Variants in ARL17B observed in about 807,000 individuals in gnomAD.
ARL17B encodes the protein ARF like GTPase 17B.
rs1470926632 is a variant in ARL17B, at chr17:46,293,975, C to T, written c.*21+5551G>A. The T allele has an allele frequency of 4.1e-5, 5 of 121,018 alleles. 2 individuals carry two copies. The highest frequency in any genetic ancestry group is 1.4e-4 in the African/African-American group (5 of 36,474). 7.5% of individuals were successfully genotyped at this position (121,018 alleles called of 1,614,324 possible). On this transcript the variant is annotated intron_variant, in intron 4 of 4. Transcript: ENST00000570618. ...GATCTCGGCTCACTGCAACCTCTGC[C>T]TCCCAGGTTCAAGTGATTCTCCTGC... is the stretch of plus-strand genomic sequence containing the variant.
At chr17:46,276,790 C>CTTTTTTTTTTTTTTT (rs75549659) in intron 4 of ARL17B, among the ~76,000 whole-genome samples, 41 of 134,262 alleles carry the variant, frequency 3.1e-4, no homozygotes, top group Non-Finnish European at 4.2e-4. Flanking sequence ...TTCTTTTTTT[C>CTTTTTTTTTTTTTTT]TTTTTTTTTT....
At chr17:46,359,450 AGCT>A in intron 1 of ARL17B, among the ~76,000 whole-genome samples, 1 of 28,050 alleles carries the variant, frequency 3.6e-5, no homozygotes, top group East Asian at 4.6e-4. Flanking sequence ...CCTCTGGAGC[AGCT>A]GCGACCACAG....
intron 3 of ARL17B, among the ~76,000 whole-genome samples, chr17:46,315,548 C>A (rs1471447595): frequency 1.6e-5 from 1 of 63,488 alleles, no homozygotes; most frequent in Non-Finnish European, 3.5e-5. Flanking sequence ...AGTAAGAAAA[C>A]AAAATGTTTG....
chr17:46,340,272 A>G (rs1179338732), intron 3 of ARL17B, among the ~76,000 whole-genome samples: 1 of 74,668 alleles, frequency 1.3e-5, no homozygotes, highest in East Asian at 2.4e-4. Flanking sequence ...CTGGAATGCA[A>G]TGGCACGATC....
intron 4 of ARL17B, among the ~76,000 whole-genome samples, chr17:46,292,037 G>C (rs1379013446): frequency 3.0e-5 from 4 of 135,232 alleles, no homozygotes; most frequent in Non-Finnish European, 4.8e-5. Flanking sequence ...TGAAATTATA[G>C]AGCAATTTGA....
intron 4 of ARL17B, among the ~76,000 whole-genome samples, chr17:46,281,462 T>A (rs1278296544): frequency 6.6e-6 from 1 of 152,028 alleles, no homozygotes; most frequent in African/African-American, 2.4e-5. Context: ...TAATCACAGC[T>A]CACTGCAGCC....
rs537521314 is a variant in ARL17B at position 46,336,179 on chromosome 17, T to G, written c.*3321A>C. Reference sequence around the variant, plus strand: ...CTCTTAAGTGGCAGGAAACAGTATTTTCTCTTTTATTTCTTTTTTTTTCCC... The same window carrying G: ...CTCTTAAGTGGCAGGAAACAGTATTGTCTCTTTTATTTCTTTTTTTTTCCC... On this transcript the variant is annotated 3_prime_UTR_variant, in exon 4 of 4. Transcript: ENST00000450673. Among the ~76,000 whole-genome samples, 29 of 29,988 alleles carry G rather than the reference T, an allele frequency of 9.7e-4. 9 individuals are homozygous for G. Among genetic ancestry groups the G allele is most frequent in the African/African-American group, 1.2e-3 (25 of 20,604 alleles). The allele number at this position is 29,988 out of a possible 152,430, so 19.7% of individuals were successfully genotyped here.
At chr17:46,323,345 A>G (rs1490463770) in intron 3 of ARL17B, among the ~76,000 whole-genome samples, 7 of 87,036 alleles carry the variant, frequency 8.0e-5, no homozygotes, top group African/African-American at 2.5e-4. Flanking sequence ...TGTCTTATAA[A>G]TGAAATCATA....
chr17:46,291,621 AT>A (rs1428823382), intron 4 of ARL17B, among the ~76,000 whole-genome samples: 1 of 152,126 alleles, frequency 6.6e-6, no homozygotes, highest in Non-Finnish European at 1.5e-5. Context: ...AATGTGTAAT[AT>A]GAAAAAAAGA....
At chr17:46,276,051 C>T (rs560592289) in intron 4 of ARL17B, among the ~76,000 whole-genome samples, 7 of 152,166 alleles carry the variant, frequency 4.6e-5, no homozygotes, top group East Asian at 1.9e-4. Flanking sequence ...CCACCACACC[C>T]GGCTAATTTT....
At chr17:46,277,806 C>T (rs190552145) in intron 4 of ARL17B, among the ~76,000 whole-genome samples, 48 of 152,166 alleles carry the variant, frequency 3.2e-4, no homozygotes, top group African/African-American at 1.1e-3. Flanking sequence ...ACCCTTACGC[C>T]TAGCTAATTT....
Position 46,317,136 on chromosome 17 carries a change from C to A in ARL17B, c.260-17471G>T, listed in dbSNP as rs1451563562. Among the ~76,000 whole-genome samples, 3 of 89,436 alleles carry A rather than the reference C, an allele frequency of 3.4e-5. 1 individual carries two copies. Among genetic ancestry groups the A allele is most frequent in the Non-Finnish European group, 6.6e-5 (2 of 30,402 alleles). The allele number at this position is 89,436 out of a possible 152,430, so 58.7% of individuals were successfully genotyped here. A position where few individuals can be genotyped will look rare whatever the true frequency, so the allele number is the denominator to read the frequency against. On this transcript the variant is annotated intron_variant, in intron 3 of 4. Transcript: ENST00000434041. Reference sequence around the variant, plus strand: ...TCAATGAGCTGTTGGGTACACCTCCCAGATGGGGTGGCGGCCGGGCAGAGG... The same window carrying A: ...TCAATGAGCTGTTGGGTACACCTCCAAGATGGGGTGGCGGCCGGGCAGAGG...
intron 4 of ARL17B, among the ~76,000 whole-genome samples, chr17:46,287,216 A>G (rs1453304460): frequency 2.0e-5 from 3 of 152,246 alleles, no homozygotes; most frequent in African/African-American, 4.8e-5. Context: ...GGTCTTTAAA[A>G]ACATACTGGA....
intron 4 of ARL17B, among the ~76,000 whole-genome samples, chr17:46,282,126 G>A (rs1363663817): frequency 6.6e-6 from 1 of 150,616 alleles, no homozygotes; most frequent in South Asian, 2.1e-4. Flanking sequence ...TTTTTGAGAC[G>A]GAGTCTCGCT....
chr17:46,330,993 A>G (rs1598175218), downstream of ARL17B: 1 of 723,834 alleles, frequency 1.4e-6, no homozygotes, highest in Admixed American at 2.9e-5. Context: ...TCGTTCACCC[A>G]AGAGCATAAG....
chr17:46,351,803 C>G (rs1484151048), intron 3 of ARL17B, among the ~76,000 whole-genome samples: 8 of 152,294 alleles, frequency 5.3e-5, no homozygotes, highest in Non-Finnish European at 8.8e-5. Flanking sequence ...TCAAAACAAA[C>G]AGACTCCAAA....
intron 4 of ARL17B, among the ~76,000 whole-genome samples, chr17:46,286,130 T>C (rs1214700656): frequency 1.3e-5 from 2 of 152,242 alleles, no homozygotes; most frequent in Non-Finnish European, 2.9e-5. Context: ...TCAAAACAGA[T>C]GGGATGATGT....
Position 46,340,278 on chromosome 17 carries a change from C to T in ARL17B, c.260-504G>A, listed in dbSNP as rs1190305278. On this transcript the variant is annotated intron_variant, in intron 3 of 3. Transcript: ENST00000450673. ...TTGCTCAGTCTGGAATGCAATGGCACGATCTCAGCTCACTGCATCCTCCGC... is the reference window on the plus strand; with the variant it reads ...TTGCTCAGTCTGGAATGCAATGGCATGATCTCAGCTCACTGCATCCTCCGC... Among the ~76,000 whole-genome samples the T allele has an allele frequency of 9.5e-5, 7 of 73,778 alleles. 1 individual carries two copies. Among genetic ancestry groups the T allele is most frequent in the East Asian group, 4.9e-4 (2 of 4,056 alleles). 48.4% of individuals were successfully genotyped at this position (73,778 alleles called of 152,430 possible).
chr17:46,276,316 C>T (rs1159973810), intron 4 of ARL17B, among the ~76,000 whole-genome samples: 1 of 152,240 alleles, frequency 6.6e-6, no homozygotes, highest in African/African-American at 2.4e-5. Context: ...CAATAGTTTA[C>T]AATTTTTAAA....
Sources: gnomAD v4.1 joint callset for allele counts (sites outside exome capture counted in the v4.1 genomes callset) on GRCh38, gnomAD v4.1.1 for gene constraint, MANE v1.5 for transcripts, NCBI Gene and HGNC (gene_info 2026-07-23, HGNC 2026-07-21) for gene names.